Variants in CGAS observed in about 807,000 individuals in gnomAD.
CGAS encodes the protein cyclic GMP-AMP synthase.
Under a neutral mutation model 34.0 loss-of-function variants are expected in CGAS, and 31 were observed. The ratio of observed to expected loss-of-function variants is 0.91; its 90% confidence interval spans 0.69 to 1.23. CGAS has a LOEUF of 1.23. Among genes scored for constraint, CGAS ranks in the 50% most tolerant of loss-of-function variants. The pLI is 0.00. For synonymous variants in CGAS, 266 were observed against 260.0 expected, an observed-to-expected ratio of 1.02 and a Z score of -0.22; for missense variants, 597 against 657.6, an observed-to-expected ratio of 0.91 and a Z score of 1.01.
chr6:73,445,796 C>T (rs766526480), intron 1 of CGAS, 49 bp from the exon 2 acceptor site: 6 of 1,384,516 alleles, frequency 4.3e-6, no homozygotes, highest in African/African-American at 2.9e-5. Context: ...TGAATATTTT[C>T]CAAGTGACTG....
rs773044793 is a variant in CGAS, at chr6:73,424,197, G to A, written c.*1030C>T. 6.6e-6 allele frequency: 1 copy of A among 152,118 alleles called. No individual in the cohort carries two copies. The highest frequency in any genetic ancestry group is 2.4e-5 in the African/African-American group (1 of 41,416). 9.4% of individuals were successfully genotyped at this position (152,118 alleles called of 1,614,324 possible). A position where few individuals can be genotyped will look rare whatever the true frequency, so the allele number is the denominator to read the frequency against. On this transcript the variant is annotated 3_prime_UTR_variant, in exon 5 of 5. Coordinates refer to ENST00000370315, the MANE Select transcript of CGAS (RefSeq NM_138441.3). ...CACCTGTAATCCCAGCACTTTGGGA[G>A]GCCAAGGCGGGCGGATCACAAGGTA...
chr6:73,433,197 AT>A (rs545269643), intron 3 of CGAS, among the ~76,000 whole-genome samples: 7 of 152,274 alleles, frequency 4.6e-5, no homozygotes, highest in African/African-American at 1.7e-4. Context: ...GCTGGGAAGT[AT>A]TAGAGGAGAT....
At position 73,451,776 on chromosome 6, in the gene CGAS, G is replaced by T; in HGVS notation, c.406C>A (p.Pro136Thr). 1 of 1,596,604 alleles carries T rather than the reference G, an allele frequency of 6.3e-7. No homozygotes were observed. Among genetic ancestry groups the T allele is most frequent in the South Asian group, 1.1e-5 (1 of 89,414 alleles). ...ARCSTKPRPP[P>T]GPWDVPSPGL... The stretch of plus-strand genomic sequence containing the variant: ...GGGCTGGGCACGTCCCAGGGCCCGG[G>T]CGGAGGTCTTGGCTTCGTGGAGCAG... The change falls in exon 1 of 5, where the codon CCC (proline) becomes ACC (threonine). Residue 136 changes from proline to threonine, a missense_variant. This residue lies in a region of CGAS where 321 missense variants were observed against 314.3 expected (regional missense o/e 1.02). Coordinates refer to ENST00000370315, the MANE Select transcript of CGAS (RefSeq NM_138441.3).
chr6:73,442,411 T>G (rs1770393315), intron 2 of CGAS, among the ~76,000 whole-genome samples: 1 of 151,406 alleles, frequency 6.6e-6, no homozygotes, highest in African/African-American at 2.4e-5. Flanking sequence ...AAACTTTTTT[T>G]TTTTTTTGAG....
At position 73,428,810 on chromosome 6, in the gene CGAS, T is replaced by C; in HGVS notation, c.1116A>G (p.Glu372=). Reference sequence around the variant, plus strand: ...GAGAGAAGGATAGCCGCCATGTTTCTTCTTAATTTCAAAAAGAAAAACAAA... The same window carrying C: ...GAGAGAAGGATAGCCGCCATGTTTCCTCTTAATTTCAAAAAGAAAAACAAA... ...KHAKEGNGFQ[E]ETWRLSFSHI... Residue 372 remains glutamate, a splice_region_variant and synonymous_variant, in exon 4 of 5, where the codon GAA becomes GAG. Coordinates refer to ENST00000370315, the MANE Select transcript of CGAS (RefSeq NM_138441.3). The C allele has an allele frequency of 6.2e-7, 1 of 1,607,788 alleles. No individual in the cohort carries two copies. Among genetic ancestry groups the C allele is most frequent in the Non-Finnish European group, 8.5e-7 (1 of 1,178,466 alleles).
At chr6:73,428,330 G>A (rs937897869) in intron 4 of CGAS, among the ~76,000 whole-genome samples, 3 of 151,872 alleles carry the variant, frequency 2.0e-5, no homozygotes, top group East Asian at 1.9e-4. Context: ...TAATAAGAGC[G>A]ACCTTTTGGC....
chr6:73,428,609 A>C lies in CGAS; in HGVS notation c.1217+100T>G. On this transcript the variant is annotated intron_variant, in intron 4 of 4. Transcript: ENST00000370315. ...TCAACCCAATCCTGCCCTGCCCCCC[A>C]GACCCAACCCAGCTCAGCTCTTCAG... 9 of 1,106,236 alleles carry C rather than the reference A, an allele frequency of 8.1e-6. No homozygotes were observed. The Middle Eastern group carries it at 8.3e-4, about 102-fold the overall frequency. 68.5% of individuals were successfully genotyped at this position (1,106,236 alleles called of 1,614,324 possible).
chr6:73,427,731 G>A (rs970787693), intron 4 of CGAS, among the ~76,000 whole-genome samples: 1 of 152,184 alleles, frequency 6.6e-6, no homozygotes, highest in Non-Finnish European at 1.5e-5. Context: ...GACTTTGGGA[G>A]GCCAAGGCGG....
At position 73,437,153 on chromosome 6, in the gene CGAS, A is replaced by AAAAT. The variant is rs552751182; in HGVS notation, c.1114+3052_1114+3055dup. 5.8e-4 allele frequency among the ~76,000 whole-genome samples: 88 copies of AAAAT among 152,250 alleles called. 2 individuals carry two copies. The South Asian group carries it at 0.015, about 26-fold the overall frequency. Reference sequence around the variant, plus strand: ...GGCAACAGAGCGAGACTCTGTCTCAAAAATAAATAAATAAATAAAATAAAA... The same window carrying AAAAT: ...GGCAACAGAGCGAGACTCTGTCTCAAAAATAAATAAATAAATAAATAAAATAAAA... On this transcript the variant is annotated intron_variant, in intron 3 of 4. Coordinates refer to ENST00000370315, the MANE Select transcript of CGAS (RefSeq NM_138441.3).
chr6:73,430,605 C>A (rs917179811), intron 3 of CGAS, among the ~76,000 whole-genome samples: 1 of 151,454 alleles, frequency 6.6e-6, no homozygotes, highest in Non-Finnish European at 1.5e-5. Context: ...CACGCCACTG[C>A]ACTCCAGCCT....
At chr6:73,429,867 C>G (rs1019653070) in intron 3 of CGAS, among the ~76,000 whole-genome samples, 9 of 151,990 alleles carry the variant, frequency 5.9e-5, no homozygotes, top group African/African-American at 1.7e-4. Context: ...ATGGCTAGCT[C>G]TTTTATGCTC....
intron 4 of CGAS, among the ~76,000 whole-genome samples, chr6:73,427,016 AATTTTTGC>A (rs1388295996): frequency 2.0e-5 from 3 of 151,850 alleles, no homozygotes; most frequent in African/African-American, 7.3e-5. Flanking sequence ...TCGCCCGGCT[AATTTTTGC>A]ATTTTTGTAG....
intron 4 of CGAS, 122 bp from the exon 5 acceptor site, chr6:73,425,700 G>T: frequency 3.1e-6 from 2 of 648,352 alleles, no homozygotes; most frequent in South Asian, 2.2e-5. Flanking sequence ...TAGGCCGGGC[G>T]TGGTGACACA....
intron 1 of CGAS, among the ~76,000 whole-genome samples, chr6:73,449,869 C>T (rs1770533530): frequency 6.6e-6 from 1 of 151,666 alleles, no homozygotes. Flanking sequence ...GGGGCAGGCA[C>T]CTGTAATCCC....
At chr6:73,449,508 C>CACACACACACACACACAA (rs569310062) in intron 1 of CGAS, among the ~76,000 whole-genome samples, 2,299 of 150,336 alleles carry the variant, frequency 0.015, 27 homozygotes, top group South Asian at 0.028. Flanking sequence ...CACACACACA[C>CACACACACACACACACAA]AAAGTGGTTC....
chr6:73,438,189 T>C (rs1213271401), intron 3 of CGAS, among the ~76,000 whole-genome samples: 1 of 152,236 alleles, frequency 6.6e-6, no homozygotes, highest in Non-Finnish European at 1.5e-5. Context: ...GCAGGTGTTA[T>C]AAGTGTCTCC....
chr6:73,449,476 A>AACACACACAC (rs144519687), intron 1 of CGAS, among the ~76,000 whole-genome samples: 35,540 of 142,650 alleles, frequency 0.25, 4,714 homozygotes, highest in East Asian at 0.47. Flanking sequence ...CTCTGTCTCA[A>AACACACACAC]ACACACACAC....
At chr6:73,436,554 ACT>A (rs1770283249) in intron 3 of CGAS, among the ~76,000 whole-genome samples, 1 of 105,966 alleles carries the variant, frequency 9.4e-6, no homozygotes, top group African/African-American at 3.3e-5. Context: ...ACAGGGTCTC[ACT>A]CTGTTACCCA....
chr6:73,430,964 T>C (rs1770185810), intron 3 of CGAS, among the ~76,000 whole-genome samples: 1 of 151,950 alleles, frequency 6.6e-6, no homozygotes, highest in Non-Finnish European at 1.5e-5. Context: ...TAGCCAGGCA[T>C]TGTGGCACAC....
Sources: allele counts gnomAD v4.1 joint callset (sites outside exome capture counted in the v4.1 genomes callset), GRCh38; gene constraint gnomAD v4.1.1; regional missense constraint gnomAD v4.1.1; transcripts MANE v1.5; gene names NCBI Gene and HGNC (gene_info 2026-07-23, HGNC 2026-07-21).